ONECUT2: variants seen among roughly 807,000 people sequenced by gnomAD.
ONECUT2 encodes one cut homeobox 2, also known as one cut domain family member 2.
ONECUT2 carries 10 observed loss-of-function variants against 27.9 expected under a neutral mutation model. The observed-to-expected ratio is 0.36, with a 90% confidence interval of 0.22 to 0.61. ONECUT2 has a LOEUF of 0.61. Ranked by LOEUF, ONECUT2 falls within the 20% of genes least tolerant of loss-of-function variation. The pLI is 0.73. For missense variants in ONECUT2, 686 were observed against 721.0 expected (o/e 0.95, Z 0.56); for synonymous variants, 334 against 315.1 (o/e 1.06, Z -0.64).
intron 1 of ONECUT2, among the ~76,000 whole-genome samples, chr18:57,457,262 TCAACTGG>T (rs1197453659): frequency 7.9e-5 from 12 of 152,194 alleles, no homozygotes; most frequent in Non-Finnish European, 1.5e-4. Context: ...AAATAAACTT[TCAACTGG>T]AAGAACTGGA....
rs749571491 is a variant in ONECUT2 at position 57,435,678 on chromosome 18, C to T, written c.-39C>T. On this transcript the variant is annotated 5_prime_UTR_variant, in exon 1 of 2. Transcript: ENST00000491143. ...CGCGCCTTGCCCGCCCGCCGGCCGC[C>T]CCCGCCGCCCCCGCCGCCCCCGGGC... 273 of 1,005,326 alleles carry T rather than the reference C, an allele frequency of 2.7e-4. 1 individual carries two copies. The highest frequency in any genetic ancestry group is 3.3e-4 in the Non-Finnish European group (270 of 824,550). The allele number at this position is 1,005,326 out of a possible 1,614,324, so 62.3% of individuals were successfully genotyped here. A position where few individuals can be genotyped will look rare whatever the true frequency, so the allele number is the denominator to read the frequency against.
intron 1 of ONECUT2, among the ~76,000 whole-genome samples, chr18:57,438,230 C>G (rs1158026494): frequency 6.6e-6 from 1 of 152,224 alleles, no homozygotes; most frequent in Non-Finnish European, 1.5e-5. Flanking sequence ...CCCAGAGGGG[C>G]AAAATGTCCA....
Position 57,491,070 on chromosome 18 carries a change from G to A in ONECUT2, c.*14347G>A, listed in dbSNP as rs1049775668. ...GCTGCCCTGAAATCCTGGTGGGGAT[G>A]AGGATCACGCTTCATCATCAAGGGG... On this transcript the variant is annotated 3_prime_UTR_variant, in exon 2 of 2. Coordinates refer to ENST00000491143, the MANE Select transcript of ONECUT2 (RefSeq NM_004852.3). The A allele has an allele frequency of 3.3e-4, 51 of 152,798 alleles. No homozygotes were observed. The highest frequency in any genetic ancestry group is 1.2e-3 in the African/African-American group (49 of 41,584). 9.5% of individuals were successfully genotyped at this position (152,798 alleles called of 1,614,324 possible). A position where few individuals can be genotyped will look rare whatever the true frequency, so the allele number is the denominator to read the frequency against.
chr18:57,486,657 T>C lies in ONECUT2; in HGVS notation c.*9934T>C, dbSNP rs2122168140. The C allele has an allele frequency of 6.5e-6, 1 of 152,782 alleles. No individual in the cohort carries two copies. The highest frequency in any genetic ancestry group is 1.9e-4 in the East Asian group (1 of 5,190). The allele number at this position is 152,782 out of a possible 1,614,324, so 9.5% of individuals were successfully genotyped here. On this transcript the variant is annotated 3_prime_UTR_variant, in exon 2 of 2. Transcript: ENST00000491143. Reference sequence around the variant, plus strand: ...TTATACGTTTTAGGTTGTGCTTTTGTAATAGATGAAAAAAGGTGCGCTTAA... The same window carrying C: ...TTATACGTTTTAGGTTGTGCTTTTGCAATAGATGAAAAAAGGTGCGCTTAA...
intron 1 of ONECUT2, among the ~76,000 whole-genome samples, chr18:57,450,065 C>T (rs1417387299): frequency 6.6e-6 from 1 of 152,186 alleles, no homozygotes; most frequent in East Asian, 1.9e-4. Context: ...TTGGTGGCCT[C>T]CTGTCTATCT....
chr18:57,462,942 G>A (rs991017939), intron 1 of ONECUT2, among the ~76,000 whole-genome samples: 1 of 151,932 alleles, frequency 6.6e-6, no homozygotes, highest in African/African-American at 2.4e-5. Flanking sequence ...ATGTTGGCCA[G>A]GCTGGTCTCG....
rs780568559 is a variant in ONECUT2, at chr18:57,490,310, G to A, written c.*13587G>A. On this transcript the variant is annotated 3_prime_UTR_variant, in exon 2 of 2. Coordinates refer to ENST00000491143, the MANE Select transcript of ONECUT2 (RefSeq NM_004852.3). ...AGTTTTGTTCTCAGAATCCAAGTCA[G>A]TCCTGGGTCTTTTCTCACTTTAGAC... The A allele has an allele frequency of 6.6e-6, 1 of 152,158 alleles. No homozygotes were observed. The highest frequency in any genetic ancestry group is 6.5e-5 in the Admixed American group (1 of 15,268). The allele number at this position is 152,158 out of a possible 1,614,324, so 9.4% of individuals were successfully genotyped here.
In ONECUT2 at chr18:57,476,879, A is replaced by G; in HGVS notation, c.*156A>G. 1 of 823,912 alleles carries G rather than the reference A, an allele frequency of 1.2e-6. No homozygotes were observed. The allele number at this position is 823,912 out of a possible 1,614,324, so 51.0% of individuals were successfully genotyped here. A position where few individuals can be genotyped will look rare whatever the true frequency, so the allele number is the denominator to read the frequency against. The stretch of plus-strand genomic sequence containing the variant: ...GCAAAGAAACTTATATTCTAGCTGT[A>G]ATCATAGGCCAGGTGTTCTTCTTTT... On this transcript the variant is annotated 3_prime_UTR_variant, in exon 2 of 2. Coordinates refer to ENST00000491143, the MANE Select transcript of ONECUT2 (RefSeq NM_004852.3).
chr18:57,451,807 G>A (rs116518604), intron 1 of ONECUT2, among the ~76,000 whole-genome samples: 1 of 152,168 alleles, frequency 6.6e-6, no homozygotes, highest in Non-Finnish European at 1.5e-5. Context: ...TCCACCCCTG[G>A]AAAGCAAGAG....
At chr18:57,471,412 T>C (rs2050352979) in intron 1 of ONECUT2, among the ~76,000 whole-genome samples, 1 of 152,042 alleles carries the variant, frequency 6.6e-6, no homozygotes, top group African/African-American at 2.4e-5. Flanking sequence ...AGGTTAGAGG[T>C]GGGGAAGATC....
Position 57,486,763 on chromosome 18 carries a change from A to T in ONECUT2, c.*10040A>T, listed in dbSNP as rs978327300. On this transcript the variant is annotated 3_prime_UTR_variant, in exon 2 of 2. Coordinates refer to ENST00000491143, the MANE Select transcript of ONECUT2 (RefSeq NM_004852.3). ...AAGTTGCAGAATGAGCCCAAAGTTT[A>T]CAGTTTCATATTTTGCTGAAGAAAC... 2.0e-5 allele frequency: 3 copies of T among 152,616 alleles called. No individual in the cohort carries two copies. The highest frequency in any genetic ancestry group is 2.9e-5 in the Non-Finnish European group (2 of 68,028). 9.5% of individuals were successfully genotyped at this position (152,616 alleles called of 1,614,324 possible).
At chr18:57,441,584 G>T (rs1399600978) in intron 1 of ONECUT2, among the ~76,000 whole-genome samples, 2 of 152,270 alleles carry the variant, frequency 1.3e-5, no homozygotes, top group African/African-American at 4.8e-5. Context: ...CCGCCTGGGC[G>T]GCTGGGTCCG....
Position 57,436,244 on chromosome 18 carries a change from G to GCAC in ONECUT2, c.552_554dup (p.His184dup), listed in dbSNP as rs747773399. ...ACCACCCTCACCCGCACCACCATCCGCACCACCACCACCACCACCACCACC... is the reference window on the plus strand; with the variant it reads ...ACCACCCTCACCCGCACCACCATCCGCACCACCACCACCACCACCACCACCACC... On this transcript the variant is annotated inframe_insertion, in exon 1 of 2. Coordinates refer to ENST00000491143, the MANE Select transcript of ONECUT2 (RefSeq NM_004852.3). The surrounding 1 kb of genome is among the most constrained non-coding windows in gnomAD (Gnocchi z 5.9). The GCAC allele has an allele frequency of 2.8e-3, 4,397 of 1,591,088 alleles. 66 individuals carry two copies. In the African/African-American group the frequency reaches 0.049, roughly 18 times the overall value.
intron 1 of ONECUT2, among the ~76,000 whole-genome samples, chr18:57,465,061 A>C (rs934702996): frequency 6.6e-6 from 1 of 152,034 alleles, no homozygotes; most frequent in Non-Finnish European, 1.5e-5. Context: ...CATTACCGCC[A>C]CAGTGTCAGT....
In ONECUT2 at chr18:57,436,202, C is replaced by T. The variant is rs761929546; in HGVS notation, c.486C>T (p.Thr162=). 17 of 1,607,098 alleles carry T rather than the reference C, an allele frequency of 1.1e-5. No homozygotes were observed. In the South Asian group the frequency reaches 1.4e-4, roughly 14 times the overall value. ...TPLQPLPPIS[T]VSDKFHHPHP... ...TCCAGCCGCTGCCACCCATCTCCAC[C>T]GTGTCTGACAAGTTCCACCACCCTC... is the stretch of plus-strand genomic sequence containing the variant. The change falls in exon 1 of 2, where the codon ACC becomes ACT. Residue 162 remains threonine (T), a synonymous_variant. Coordinates refer to ENST00000491143, the MANE Select transcript of ONECUT2 (RefSeq NM_004852.3). The surrounding 1 kb of genome is among the most constrained non-coding windows in gnomAD (Gnocchi z 5.9).
chr18:57,467,080 C>T (rs2122139389), intron 1 of ONECUT2: 1 of 431,710 alleles, frequency 2.3e-6, no homozygotes, highest in Admixed American at 2.5e-5. Context: ...CATCCAAGAG[C>T]CCTCATTTCC....
intron 1 of ONECUT2, among the ~76,000 whole-genome samples, chr18:57,441,400 C>A (rs2050173385): frequency 1.3e-5 from 2 of 152,228 alleles, no homozygotes; most frequent in South Asian, 4.1e-4. Context: ...TTCGCCAGCT[C>A]TGCGCGGGTT....
intron 1 of ONECUT2, among the ~76,000 whole-genome samples, chr18:57,472,101 T>C (rs1381367033): frequency 6.6e-6 from 1 of 152,252 alleles, no homozygotes; most frequent in African/African-American, 2.4e-5. Flanking sequence ...CTGACCAGCA[T>C]GTGACTGTGT....
rs868573018 is a variant in ONECUT2, at chr18:57,435,992, C to T, written c.276C>T (p.Gly92=). The T allele has an allele frequency of 1.5e-5, 23 of 1,506,204 alleles. 1 individual carries two copies. The highest frequency in any genetic ancestry group is 2.1e-4 in the Middle Eastern group (1 of 4,660). 93.3% of individuals were successfully genotyped at this position (1,506,204 alleles called of 1,614,324 possible). ...PPPPTAHQEL[G]TAAAAAAAAS... ...CTCCAACCGCGCACCAGGAGCTGGGCACGGCGGCAGCGGCGGCAGCGGCGG... is the reference window on the plus strand; with the variant it reads ...CTCCAACCGCGCACCAGGAGCTGGGTACGGCGGCAGCGGCGGCAGCGGCGG... Residue 92 remains glycine, a synonymous_variant, in exon 1 of 2, where the codon GGC becomes GGT. Coordinates refer to ENST00000491143, the MANE Select transcript of ONECUT2 (RefSeq NM_004852.3).
Sources: gnomAD v4.1 joint callset for allele counts (sites outside exome capture counted in the v4.1 genomes callset) on GRCh38, gnomAD v4.1.1 for gene constraint, Gnocchi (gnomAD v3.1) non-coding constraint, MANE v1.5 for transcripts, NCBI Gene and HGNC (gene_info 2026-07-23, HGNC 2026-07-21) for gene names.